Variants in TRAPPC2 observed in about 807,000 individuals in gnomAD.
The protein encoded by TRAPPC2 is sedlin.
A neutral mutation model predicts 10.0 loss-of-function variants in TRAPPC2; 4 were observed. The ratio of observed to expected loss-of-function variants is 0.40; its 90% confidence interval spans 0.20 to 0.92. The LOEUF (loss-of-function observed/expected upper bound fraction) is 0.92. TRAPPC2 is among the 40% of genes least tolerant of loss of function. TRAPPC2 has a pLI of 0.35. For synonymous variants in TRAPPC2, 36 were observed against 37.3 expected, an observed-to-expected ratio of 0.97 and a Z score of 0.12; for missense variants, 52 against 108.7, an observed-to-expected ratio of 0.48 and a Z score of 2.32.
chrX:13,716,908 G>A (rs1170102869), intron 3 of TRAPPC2, among the ~76,000 whole-genome samples: 1 of 109,882 alleles, frequency 9.1e-6, no homozygotes, highest in Non-Finnish European at 1.9e-5. Flanking sequence ...AATGAAATGT[G>A]TATATAGAGG....
In TRAPPC2 at chrX:13,716,299, C is replaced by T; in HGVS notation, c.239-210G>A. The stretch of plus-strand genomic sequence containing the variant: ...ATAACTGTAAAATAAAGTAAAATCA[C>T]CCTTGATAGGGTCCAGATAAACTCT... On this transcript the variant is annotated intron_variant, in intron 4 of 5. Coordinates refer to ENST00000380579, the MANE Select transcript of TRAPPC2 (RefSeq NM_001011658.4). 9.0e-6 allele frequency: 5 copies of T among 557,348 alleles called. No individual in the cohort carries two copies. The South Asian group carries it at 1.7e-4, about 19-fold the overall frequency. 45.9% of individuals were successfully genotyped at this position (557,348 alleles called of 1,213,427 possible). A position where few individuals can be genotyped will look rare whatever the true frequency, so the allele number is the denominator to read the frequency against.
In TRAPPC2 at chrX:13,714,191, A is replaced by G; in HGVS notation, c.*216T>C. 3.7e-6 allele frequency: 1 copy of G among 267,354 alleles called. No individual in the cohort carries two copies. Among genetic ancestry groups the G allele is most frequent in the Middle Eastern group, 1.1e-3 (1 of 941 alleles). 22.0% of individuals were successfully genotyped at this position (267,354 alleles called of 1,213,427 possible). A position where few individuals can be genotyped will look rare whatever the true frequency, so the allele number is the denominator to read the frequency against. On this transcript the variant is annotated 3_prime_UTR_variant, in exon 6 of 6. Coordinates refer to ENST00000380579, the MANE Select transcript of TRAPPC2 (RefSeq NM_001011658.4). ...TGATTATTGATAATGAACTCTTTAT[A>G]AATAACACTGTTCACAAGGAAATAC... is the stretch of plus-strand genomic sequence containing the variant.
intron 2 of TRAPPC2, among the ~76,000 whole-genome samples, chrX:13,727,084 C>T (rs2046569501): frequency 8.9e-6 from 1 of 112,164 alleles, no homozygotes; most frequent in South Asian, 3.7e-4. Context: ...GCACCCAATA[C>T]AGGAGCACCT....
chrX:13,722,623 C>G (rs1214170495), intron 2 of TRAPPC2, among the ~76,000 whole-genome samples: 2 of 111,758 alleles, frequency 1.8e-5, no homozygotes, highest in African/African-American at 6.5e-5. Context: ...GGAACAGCTG[C>G]AAACACTTAG....
At chrX:13,719,243 T>C (rs1486846190) in intron 3 of TRAPPC2, among the ~76,000 whole-genome samples, 5 of 60,338 alleles carry the variant, frequency 8.3e-5, no homozygotes, top group Non-Finnish European at 1.5e-4. Context: ...TCCATTTCCT[T>C]GTCTCAAAAA....
intron 5 of TRAPPC2, among the ~76,000 whole-genome samples, chrX:13,715,342 G>A (rs1013336109): frequency 2.7e-5 from 3 of 111,845 alleles, no homozygotes; most frequent in Admixed American, 1.9e-4. Context: ...GTGTGGTGGT[G>A]CACACTTGTG....
At position 13,717,034 on chromosome X, in the gene TRAPPC2, TAAAAAA is replaced by T. The variant is rs1175025577; in HGVS notation, c.94-362_94-357del. ...AACATGTAAAAAAAGGATACTATGT[TAAAAAA>T]AAAAAAAAAAAAAAAAAAAAAAAAC... On this transcript the variant is annotated intron_variant, in intron 3 of 5. Coordinates refer to ENST00000380579, the MANE Select transcript of TRAPPC2 (RefSeq NM_001011658.4). 6.1e-3 allele frequency among the ~76,000 whole-genome samples: 231 copies of T among 37,945 alleles called. 1 individual carries two copies. Among genetic ancestry groups the T allele is most frequent in the African/African-American group, 0.024 (213 of 8,737 alleles). The allele number at this position is 37,945 out of a possible 115,157, so 33.0% of individuals were successfully genotyped here. A position where few individuals can be genotyped will look rare whatever the true frequency, so the allele number is the denominator to read the frequency against.
chrX:13,716,376 C>G (rs1249015178), intron 4 of TRAPPC2, 158 bp downstream of exon 4: 2 of 663,752 alleles, frequency 3.0e-6, no homozygotes, highest in Admixed American at 7.4e-5. Context: ...AAATGTTTTT[C>G]CCCCCTAAAA....
chrX:13,721,451 T>C (rs1281036790), intron 2 of TRAPPC2: 1 of 111,991 alleles, frequency 8.9e-6, no homozygotes, highest in East Asian at 2.8e-4. Context: ...GTATGCACAC[T>C]GGGATGTGGT....
At chrX:13,720,105 A>C in intron 2 of TRAPPC2, 123 bp from the exon 3 acceptor site, 1 of 466,975 alleles carries the variant, frequency 2.1e-6, no homozygotes, top group Non-Finnish European at 3.3e-6. Context: ...GATGCTACTA[A>C]GCTTGGCAGT....
At chrX:13,715,844 A>C (rs1246423250) in intron 5 of TRAPPC2, 160 bp downstream of exon 5, 1 of 980,486 alleles carries the variant, frequency 1.0e-6, no homozygotes, top group Non-Finnish European at 1.3e-6. Flanking sequence ...CTGGCTGTGA[A>C]GACTTACCTG....
At chrX:13,731,447 C>G (rs1281413842) in intron 2 of TRAPPC2, among the ~76,000 whole-genome samples, 1 of 112,293 alleles carries the variant, frequency 8.9e-6, no homozygotes, top group Non-Finnish European at 1.9e-5. Context: ...ACAAGTCATA[C>G]CAAATTTACA....
At chrX:13,721,407 C>G (rs1029172986) in intron 2 of TRAPPC2, 1 of 112,305 alleles carries the variant, frequency 8.9e-6, no homozygotes, top group South Asian at 3.7e-4. Context: ...ACAGTACATG[C>G]TCAATTAATG....
chrX:13,732,078 A>G (rs1016524888), intron 2 of TRAPPC2, among the ~76,000 whole-genome samples: 1 of 112,267 alleles, frequency 8.9e-6, no homozygotes, highest in Non-Finnish European at 1.9e-5. Context: ...AGTAAGAGGC[A>G]AAAGTCTGAT....
chrX:13,716,526 A>G lies in TRAPPC2; in HGVS notation c.238+8T>C, dbSNP rs769765799. The stretch of plus-strand genomic sequence containing the variant: ...AGTTAGTTACCTTTACTAAGAAGGT[A>G]AGGATATGCCCCGCAGTGACAAATG... On this transcript the variant is annotated splice_region_variant and intron_variant, in intron 4 of 5. Transcript: ENST00000380579. The G allele has an allele frequency of 8.3e-7, 1 of 1,210,075 alleles. No individual in the cohort carries two copies. Among genetic ancestry groups the G allele is most frequent in the African/African-American group, 1.7e-5 (1 of 57,318 alleles).
At chrX:13,719,298 A>C (rs1242618453) in intron 3 of TRAPPC2, among the ~76,000 whole-genome samples, 1 of 110,766 alleles carries the variant, frequency 9.0e-6, no homozygotes, top group African/African-American at 3.3e-5. Flanking sequence ...TCCTCGAGCT[A>C]AGCTTGGTTT....
At chrX:13,729,406 G>A (rs2046624370) in intron 2 of TRAPPC2, among the ~76,000 whole-genome samples, 1 of 111,566 alleles carries the variant, frequency 9.0e-6, no homozygotes, top group Non-Finnish European at 1.9e-5. Flanking sequence ...CAGATATATA[G>A]ACCAATGGAA....
At chrX:13,718,423 G>A (rs1602714299) in intron 3 of TRAPPC2, among the ~76,000 whole-genome samples, 1 of 112,883 alleles carries the variant, frequency 8.9e-6, no homozygotes, top group Non-Finnish European at 1.9e-5. Context: ...AACTGAAAAC[G>A]CTTTAAGAAA....
intron 4 of TRAPPC2, 97 bp downstream of exon 4, chrX:13,716,437 A>C: frequency 9.6e-7 from 1 of 1,039,992 alleles, no homozygotes; most frequent in East Asian, 3.1e-5. Context: ...CTGACTGTGA[A>C]GTCTACAGAC....
Sources: allele counts gnomAD v4.1 joint callset (sites outside exome capture counted in the v4.1 genomes callset), GRCh38; gene constraint gnomAD v4.1.1; transcripts MANE v1.5; gene names NCBI Gene and HGNC (gene_info 2026-07-23, HGNC 2026-07-21).